Variants in DLC1 observed in about 807,000 individuals in gnomAD.
DLC1 encodes the protein DLC1 Rho GTPase activating protein, also known as rho GTPase-activating protein 7.
In DLC1, 54 loss-of-function variants were observed where a neutral mutation model predicts 140.3. The observed-to-expected ratio is 0.38, with a 90% CI of 0.31 to 0.48. The LOEUF is 0.48. DLC1 is among the 20% of genes least tolerant of loss of function. The pLI, the probability that DLC1 is intolerant of heterozygous loss-of-function variation, is 0.96. For synonymous variants in DLC1, 986 were observed against 728.1 expected (o/e 1.35, Z -5.70); for missense variants, 2,536 against 1,907.0 (o/e 1.33, Z -6.14).
intron 4 of DLC1, among the ~76,000 whole-genome samples, chr8:13,373,330 C>G (rs1482354540): frequency 6.6e-6 from 1 of 152,136 alleles, no homozygotes; most frequent in Non-Finnish European, 1.5e-5. Context: ...CCTTCTTCAT[C>G]TTTTGGTTTT....
intron 1 of DLC1, among the ~76,000 whole-genome samples, chr8:13,535,005 C>T (rs1248101940): frequency 1.3e-5 from 2 of 152,130 alleles, no homozygotes; most frequent in East Asian, 3.8e-4. Flanking sequence ...TCGCTAATCA[C>T]TAATTCAATT....
chr8:13,576,410 C>T (rs985317056), intron 1 of DLC1, among the ~76,000 whole-genome samples: 11 of 152,106 alleles, frequency 7.2e-5, no homozygotes, highest in Non-Finnish European at 1.3e-4. Flanking sequence ...CCAGAAGGAA[C>T]AATTTGCAAC....
chr8:13,536,757 A>G (rs189478671), intron 1 of DLC1, among the ~76,000 whole-genome samples: 1 of 152,210 alleles, frequency 6.6e-6, no homozygotes, highest in East Asian at 1.9e-4. Flanking sequence ...TTTTTTGAAG[A>G]GATATTGCGT....
chr8:13,317,338 A>G (rs17091172), intron 4 of DLC1, among the ~76,000 whole-genome samples: 5,159 of 152,332 alleles, frequency 0.034, 287 homozygotes, highest in African/African-American at 0.12. Flanking sequence ...TAGAAAACCC[A>G]TTAAATAATT....
At chr8:13,502,732 A>T (rs967551330) in intron 1 of DLC1, among the ~76,000 whole-genome samples, 4 of 150,422 alleles carry the variant, frequency 2.7e-5, no homozygotes, top group African/African-American at 1.0e-4. Flanking sequence ...CATTTCAAAA[A>T]ACTGACTACT....
intron 2 of DLC1, among the ~76,000 whole-genome samples, chr8:13,475,395 A>G (rs1448012418): frequency 6.6e-6 from 1 of 152,216 alleles, no homozygotes; most frequent in Non-Finnish European, 1.5e-5. Context: ...TTGAGGGCCC[A>G]GTAAAAGGCC....
At chr8:13,271,241 T>C (rs1320191489) in intron 5 of DLC1, among the ~76,000 whole-genome samples, 2 of 152,242 alleles carry the variant, frequency 1.3e-5, no homozygotes, top group Non-Finnish European at 2.9e-5. Context: ...GTTTGTTTAC[T>C]AGAGGAGGCT....
chr8:13,138,110 C>T (rs1822704413), intron 5 of DLC1, among the ~76,000 whole-genome samples: 1 of 152,140 alleles, frequency 6.6e-6, no homozygotes, highest in Non-Finnish European at 1.5e-5. Context: ...AGGATACTCA[C>T]TTGCATTTTT....
intron 5 of DLC1, among the ~76,000 whole-genome samples, chr8:13,274,447 C>T (rs186608751): frequency 4.6e-5 from 7 of 152,282 alleles, no homozygotes; most frequent in East Asian, 1.9e-4. Context: ...AATTATTTCC[C>T]GCAATGGACC....
intron 1 of DLC1, among the ~76,000 whole-genome samples, chr8:13,505,528 A>G (rs975323761): frequency 1.5e-4 from 23 of 152,336 alleles, no homozygotes; most frequent in Middle Eastern, 6.8e-3. Flanking sequence ...CTACAGCAGT[A>G]ATTTTAAGGT....
chr8:13,412,929 C>G (rs1837848928), intron 2 of DLC1, among the ~76,000 whole-genome samples: 1 of 55,722 alleles, frequency 1.8e-5, no homozygotes, highest in Non-Finnish European at 3.9e-5. Flanking sequence ...GAGACTCCAT[C>G]TCAAAAAAAA....
chr8:13,452,289 C>G (rs996092561), intron 2 of DLC1, among the ~76,000 whole-genome samples: 2 of 151,868 alleles, frequency 1.3e-5, no homozygotes, highest in Admixed American at 1.3e-4. Context: ...CAGCTTATAT[C>G]TATACTTGCC....
chr8:13,464,726 A>T (rs6530632), intron 2 of DLC1, among the ~76,000 whole-genome samples: 116,315 of 144,996 alleles, frequency 0.8, 48,014 homozygotes, highest in Middle Eastern at 0.93. Context: ...TTGCTTTTTT[A>T]AAAAATATAG....
chr8:13,529,088 T>G (rs1001129646), intron 1 of DLC1, among the ~76,000 whole-genome samples: 1 of 152,138 alleles, frequency 6.6e-6, no homozygotes, highest in Non-Finnish European at 1.5e-5. Flanking sequence ...CCAAAAAACA[T>G]ACGATGTATA....
chr8:13,506,182 CAT>C (rs953281960), intron 1 of DLC1, among the ~76,000 whole-genome samples: 1 of 151,902 alleles, frequency 6.6e-6, no homozygotes, highest in African/African-American at 2.4e-5. Flanking sequence ...CATATATACA[CAT>C]ATGTATACAA....
In DLC1 at chr8:13,499,845, C is replaced by T. The variant is rs760597783; in HGVS notation, c.227G>A (p.Arg76Lys). The T allele has an allele frequency of 1.1e-5, 18 of 1,613,946 alleles. No homozygotes were observed. Among genetic ancestry groups the T allele is most frequent in the Non-Finnish European group, 1.4e-5 (17 of 1,180,002 alleles). ...ATCCTTTGAAAGATGACCCATTGGCCTCCCAGGAAAATCTCTCAGCTCTGA... is the reference window on the plus strand; with the variant it reads ...ATCCTTTGAAAGATGACCCATTGGCTTCCCAGGAAAATCTCTCAGCTCTGA... Reference protein sequence around the residue: ...HGSELRDFPGRPMGHLSKDVD... With the variant: ...HGSELRDFPGKPMGHLSKDVD... Residue 76 changes from arginine to lysine, a missense_variant, in exon 2 of 18, where the codon AGG becomes AAG. Coordinates refer to ENST00000276297, the MANE Select transcript of DLC1 (RefSeq NM_182643.3).
intron 2 of DLC1, among the ~76,000 whole-genome samples, chr8:13,441,657 G>A (rs1190723971): frequency 4.6e-5 from 7 of 152,078 alleles, no homozygotes; most frequent in Non-Finnish European, 7.3e-5. Flanking sequence ...TACAAGGGAC[G>A]TGAAGGACCT....
At chr8:13,572,290 C>T (rs917939499) in intron 1 of DLC1, among the ~76,000 whole-genome samples, 3 of 151,890 alleles carry the variant, frequency 2.0e-5, no homozygotes, top group Non-Finnish European at 4.4e-5. Flanking sequence ...GGGGTTTCAC[C>T]GTGTTAGCCA....
chr8:13,317,484 A>G (rs1832905201), intron 4 of DLC1, among the ~76,000 whole-genome samples: 1 of 152,218 alleles, frequency 6.6e-6, no homozygotes, highest in African/African-American at 2.4e-5. Flanking sequence ...ATTATTTATC[A>G]AAAGCTGGGT....
Sources: allele counts gnomAD v4.1 joint callset (sites outside exome capture counted in the v4.1 genomes callset), GRCh38; gene constraint gnomAD v4.1.1; transcripts MANE v1.5; gene names NCBI Gene and HGNC (gene_info 2026-07-23, HGNC 2026-07-21).